Variants in RDM1 observed in about 807,000 individuals in gnomAD.
The protein encoded by RDM1 is RAD52 motif containing 1.
A neutral mutation model predicts 27.7 loss-of-function variants in RDM1; 28 were observed. That is an observed-to-expected ratio of 1.01 (90% CI 0.75 to 1.39). RDM1 has a LOEUF of 1.39. Among genes scored for constraint, RDM1 ranks in the 40% most tolerant of loss-of-function variants. RDM1 has a pLI of 0.00. For missense variants in RDM1, 277 were observed against 337.3 expected (o/e 0.82, Z 1.40); for synonymous variants, 124 against 127.5 (o/e 0.97, Z 0.19).
At chr17:35,922,740 A>G in intron 4 of RDM1, 65 bp from the exon 5 acceptor site, 1 of 1,334,748 alleles carries the variant, frequency 7.5e-7, no homozygotes, top group Non-Finnish European at 1.0e-6. Flanking sequence ...ATATGTTTAA[A>G]AAATAAAAAA....
intron 1 of RDM1, 159 bp downstream of exon 1, chr17:35,930,473 C>T: frequency 1.1e-6 from 1 of 880,114 alleles, no homozygotes; most frequent in East Asian, 2.7e-5. Context: ...CTCTAAAAAT[C>T]TGTTGGGGGT....
At position 35,930,173 on chromosome 17, in the gene RDM1, C is replaced by T. The variant is rs1240730833; in HGVS notation, c.179G>A (p.Gly60Asp). The change falls in exon 2 of 7, where the codon GGT becomes GAT. Residue 60 changes from glycine (G) to aspartate (D), a missense_variant. Gly to Asp is a moderately conservative substitution (Grantham distance 94). Coordinates refer to ENST00000620284, the MANE Select transcript of RDM1 (RefSeq NM_145654.4). ...VFPNAAVAHP[G>D]FYAVIKFYSA... ...ATAAAACTTAATGACGGCATAGAAA[C>T]CAGGATGGGCCACTGCAGCATTTGG... is the stretch of plus-strand genomic sequence containing the variant. 1.2e-6 allele frequency: 2 copies of T among 1,614,154 alleles called. No homozygotes were observed. Among genetic ancestry groups the T allele is most frequent in the African/African-American group, 1.3e-5 (1 of 75,050 alleles).
chr17:35,921,918 CT>C (rs755056334), intron 5 of RDM1, among the ~76,000 whole-genome samples: 9,358 of 115,936 alleles, frequency 0.081, 148 homozygotes, highest in East Asian at 0.18. Context: ...ATTAAAAAAT[CT>C]TTTTTTTTTT....
chr17:35,924,565 C>G (rs2089064411), intron 4 of RDM1, 39 bp downstream of exon 4: 1 of 1,574,096 alleles, frequency 6.4e-7, no homozygotes. Flanking sequence ...CCTTTCCACT[C>G]CAAATCCCTA....
chr17:35,923,743 T>C (rs1047801453), intron 4 of RDM1, among the ~76,000 whole-genome samples: 1 of 152,126 alleles, frequency 6.6e-6, no homozygotes, highest in Non-Finnish European at 1.5e-5. Context: ...TCCATTAGCC[T>C]ACAGCCCTGC....
intron 6 of RDM1, 110 bp downstream of exon 6, chr17:35,920,077 A>G (rs1171587888): frequency 1.7e-6 from 1 of 593,748 alleles, no homozygotes; most frequent in Non-Finnish European, 3.0e-6. Context: ...AAGTAGTATC[A>G]GTTTCACATT....
Position 35,918,320 on chromosome 17 carries a change from C to A in RDM1, c.*22G>T, listed in dbSNP as rs1413396262. 3.7e-6 allele frequency: 6 copies of A among 1,600,592 alleles called. No individual in the cohort carries two copies. Among genetic ancestry groups the A allele is most frequent in the Non-Finnish European group, 4.3e-6 (5 of 1,169,390 alleles). The stretch of plus-strand genomic sequence containing the variant: ...GCTTCCCAAGGAAGTTACATGACCT[C>A]GCCTTGGGATATTCAGAAATGCTAG... On this transcript the variant is annotated 3_prime_UTR_variant, in exon 7 of 7. Transcript: ENST00000620284.
At chr17:35,927,306 G>A (rs113009889) in intron 2 of RDM1, among the ~76,000 whole-genome samples, 3 of 152,098 alleles carry the variant, frequency 2.0e-5, no homozygotes, top group African/African-American at 7.2e-5. Flanking sequence ...TGGGCGTGGT[G>A]GTGCACGCCT....
In RDM1 at chr17:35,925,486, G is replaced by A. The variant is rs1487870693; in HGVS notation, c.399+29C>T. On this transcript the variant is annotated intron_variant, in intron 3 of 6. Transcript: ENST00000620284. ...ATTTCAATGTTGAAAGGAGAGTGTGGTAAGTGAAAAAAAATCTACAAGGTT... is the reference window on the plus strand; with the variant it reads ...ATTTCAATGTTGAAAGGAGAGTGTGATAAGTGAAAAAAAATCTACAAGGTT... The A allele has an allele frequency of 3.7e-6, 6 of 1,610,498 alleles. No homozygotes were observed. In the Admixed American group the frequency reaches 1.0e-4, roughly 27 times the overall value.
At position 35,924,642 on chromosome 17, in the gene RDM1, A is replaced by G. The variant is rs139839257; in HGVS notation, c.530T>C (p.Ile177Thr). 1.1e-5 allele frequency: 18 copies of G among 1,613,962 alleles called. No individual in the cohort carries two copies. The highest frequency in any genetic ancestry group is 9.3e-5 in the African/African-American group (7 of 74,922). Residue 177 changes from isoleucine (I) to threonine (T), a missense_variant, in exon 4 of 7, where the codon ATT becomes ACT. Ile to Thr is a moderately conservative substitution (Grantham distance 89). Coordinates refer to ENST00000620284, the MANE Select transcript of RDM1 (RefSeq NM_145654.4). ...ATCCATAGGCTCCTCCACCAAGCCAATGCCAGGACTCCTGCAATCACAGGA... is the reference window on the plus strand; with the variant it reads ...ATCCATAGGCTCCTCCACCAAGCCAGTGCCAGGACTCCTGCAATCACAGGA... ...LPSCDCRSPG[I>T]GLVEEPMDKV...
At chr17:35,923,734 C>A (rs1017957796) in intron 4 of RDM1, among the ~76,000 whole-genome samples, 3 of 152,138 alleles carry the variant, frequency 2.0e-5, no homozygotes, top group Non-Finnish European at 4.4e-5. Flanking sequence ...CTACTCCACT[C>A]CATTAGCCTA....
At position 35,921,918 on chromosome 17, in the gene RDM1, CTT is replaced by C. The variant is rs755056334; in HGVS notation, c.667+657_667+658del. 2.0e-3 allele frequency among the ~76,000 whole-genome samples: 229 copies of C among 115,958 alleles called. 2 individuals are homozygous for C. Among genetic ancestry groups the C allele is most frequent in the Admixed American group, 0.016 (168 of 10,418 alleles). 76.1% of individuals were successfully genotyped at this position (115,958 alleles called of 152,430 possible). A position where few individuals can be genotyped will look rare whatever the true frequency, so the allele number is the denominator to read the frequency against. ...AAGACCTAAAATTGCATTAAAAAATCTTTTTTTTTTTTTTTTTTTTGAGATGG... is the reference window on the plus strand; with the variant it reads ...AAGACCTAAAATTGCATTAAAAAATCTTTTTTTTTTTTTTTTTTGAGATGG... On this transcript the variant is annotated intron_variant, in intron 5 of 6. Transcript: ENST00000620284.
intron 2 of RDM1, among the ~76,000 whole-genome samples, chr17:35,926,277 T>C (rs2089146632): frequency 6.6e-6 from 1 of 152,258 alleles, no homozygotes; most frequent in African/African-American, 2.4e-5. Context: ...TTTTTGTGGA[T>C]TTCTTACATC....
At chr17:35,929,425 TATTTA>T (rs1420342243) in intron 2 of RDM1, among the ~76,000 whole-genome samples, 1 of 152,208 alleles carries the variant, frequency 6.6e-6, no homozygotes, top group Admixed American at 6.5e-5. Flanking sequence ...ATCTGGCTGA[TATTTA>T]ATTTTTTATT....
intron 5 of RDM1, chr17:35,922,047 A>T (rs1352756623): frequency 2.0e-5 from 3 of 151,438 alleles, no homozygotes; most frequent in Non-Finnish European, 4.4e-5. Flanking sequence ...CAGCCTCCCA[A>T]GTAGCTGGGA....
At chr17:35,924,561 C>T (rs1251402966) in intron 4 of RDM1, 43 bp downstream of exon 4, 2 of 1,551,926 alleles carry the variant, frequency 1.3e-6, no homozygotes, top group African/African-American at 1.4e-5. Context: ...AGATCCTTTC[C>T]ACTCCAAATC....
chr17:35,920,326 C>G (rs571525457), intron 5 of RDM1, 54 bp from the exon 6 acceptor site: 1 of 897,376 alleles, frequency 1.1e-6, no homozygotes, highest in South Asian at 1.5e-5. Flanking sequence ...CTAAAACTTC[C>G]TGCATATAAT....
In RDM1 at chr17:35,922,586, C is replaced by A. The variant is rs1229922102; in HGVS notation, c.658G>T (p.Val220Phe). The A allele has an allele frequency of 6.2e-7, 1 of 1,611,500 alleles. No homozygotes were observed. Among genetic ancestry groups the A allele is most frequent in the Admixed American group, 1.7e-5 (1 of 59,930 alleles). The change falls in exon 5 of 7, where the codon GTT becomes TTT. Residue 220 changes from valine (V) to phenylalanine (F), a missense_variant. Physicochemically the swap from Val to Phe is conservative, Grantham distance 50 (BLOSUM62 -1). Transcript: ENST00000620284. ...ATCAAGACAGTCTTACCTAGAACAA[C>A]AATCAACAGTTTCTGGAATGCATCT... ...LSDAFQKLLI[V>F]VLESGKIAVE...
At chr17:35,929,528 A>C (rs1362084263) in intron 2 of RDM1, among the ~76,000 whole-genome samples, 1 of 152,044 alleles carries the variant, frequency 6.6e-6, no homozygotes, top group African/African-American at 2.4e-5. Context: ...TGCAGCCTCC[A>C]CCTCCTGGGT....
Sources: allele counts gnomAD v4.1 joint callset (sites outside exome capture counted in the v4.1 genomes callset), GRCh38; gene constraint gnomAD v4.1.1; transcripts MANE v1.5; gene names NCBI Gene and HGNC (gene_info 2026-07-23, HGNC 2026-07-21).